The following FAM178B variants were observed in gnomAD, a reference collection of about 807,000 sequenced individuals.
FAM178B encodes family with sequence similarity 178 member B.
Under a neutral mutation model 91.7 loss-of-function variants are expected in FAM178B, and 82 were observed. That is an observed-to-expected ratio of 0.89 (90% CI 0.75 to 1.07). The LOEUF is 1.07. Among genes scored for constraint, FAM178B ranks in the 50% least tolerant of loss-of-function variants. The pLI is 0.00. For missense variants in FAM178B, 769 were observed against 846.7 expected (o/e 0.91, Z 1.14); for synonymous variants, 368 against 359.4 (o/e 1.02, Z -0.27).
chr2:96,973,858 C>T (rs1426151750), intron 1 of FAM178B, among the ~76,000 whole-genome samples: 2 of 151,584 alleles, frequency 1.3e-5, no homozygotes, highest in Non-Finnish European at 2.9e-5. Context: ...AAAAAATTAG[C>T]CAGGCATGGT....
chr2:96,956,187 T>C (rs550598676), intron 6 of FAM178B, among the ~76,000 whole-genome samples: 3 of 152,352 alleles, frequency 2.0e-5, no homozygotes, highest in East Asian at 1.9e-4. Flanking sequence ...CACTTTTCCA[T>C]GCAGGAGCAT....
intron 12 of FAM178B, 78 bp downstream of exon 12, chr2:96,921,087 G>A (rs2153370839): frequency 1.6e-6 from 2 of 1,221,986 alleles, no homozygotes; most frequent in South Asian, 1.3e-5. Flanking sequence ...TGGGGCTGAT[G>A]GGGAGGACTC....
intron 5 of FAM178B, among the ~76,000 whole-genome samples, chr2:96,966,894 G>C (rs529579699): frequency 6.6e-6 from 1 of 152,056 alleles, no homozygotes; most frequent in Non-Finnish European, 1.5e-5. Context: ...GCTGGCTCCC[G>C]GGTCTCAGAC....
At chr2:96,957,514 A>G (rs906594177) in intron 6 of FAM178B, among the ~76,000 whole-genome samples, 4 of 152,184 alleles carry the variant, frequency 2.6e-5, no homozygotes. Flanking sequence ...CACTCCAGGG[A>G]AGCTGGGCAG....
intron 12 of FAM178B, among the ~76,000 whole-genome samples, chr2:96,903,002 G>C (rs1484025407): frequency 6.6e-6 from 1 of 152,178 alleles, no homozygotes; most frequent in Non-Finnish European, 1.5e-5. Flanking sequence ...ACATATCCAT[G>C]GATCCATAGA....
At chr2:96,917,535 C>A (rs1055370990) in intron 12 of FAM178B, among the ~76,000 whole-genome samples, 4 of 152,148 alleles carry the variant, frequency 2.6e-5, no homozygotes, top group Non-Finnish European at 4.4e-5. Context: ...AAGGTAGCTT[C>A]AAATCTGTCT....
intron 10 of FAM178B, among the ~76,000 whole-genome samples, chr2:96,923,154 G>C: frequency 6.6e-6 from 1 of 151,458 alleles, no homozygotes; most frequent in East Asian, 1.9e-4. Flanking sequence ...TGTATTTTTA[G>C]TACAGATGGG....
intron 1 of FAM178B, among the ~76,000 whole-genome samples, chr2:96,974,733 T>C (rs966313560): frequency 6.6e-6 from 1 of 152,150 alleles, no homozygotes; most frequent in African/African-American, 2.4e-5. Context: ...TAAGTGACTT[T>C]AAGTCACACA....
chr2:96,898,360 A>T (rs2080862180), intron 13 of FAM178B, among the ~76,000 whole-genome samples: 1 of 152,158 alleles, frequency 6.6e-6, no homozygotes, highest in African/African-American at 2.4e-5. Context: ...GCAGGACTTT[A>T]ATCTCAGCTC....
rs890539276 is a variant in FAM178B, at chr2:96,972,302, C to T, written c.163G>A (p.Val55Met). ...LREGVQAAAT[V>M]PILLYNLEDG... ...TCCAGGTTGTACAGGAGGATGGGCACGGTGGCGGCAGCCTGCACCCCTGCA... is the reference window on the plus strand; with the variant it reads ...TCCAGGTTGTACAGGAGGATGGGCATGGTGGCGGCAGCCTGCACCCCTGCA... The change falls in exon 3 of 17, where the codon GTG (valine) becomes ATG (methionine). Residue 55 changes from valine (V) to methionine (M), a missense_variant. By Grantham distance (21) the Val-to-Met change is conservative (BLOSUM62 1). Coordinates refer to ENST00000490605, the MANE Select transcript of FAM178B (RefSeq NM_001122646.3). The T allele has an allele frequency of 3.3e-5, 49 of 1,465,738 alleles. No individual in the cohort carries two copies. Among genetic ancestry groups the T allele is most frequent in the Middle Eastern group, 2.1e-4 (1 of 4,706 alleles). 90.8% of individuals were successfully genotyped at this position (1,465,738 alleles called of 1,614,324 possible). A position where few individuals can be genotyped will look rare whatever the true frequency, so the allele number is the denominator to read the frequency against.
At chr2:96,984,975 G>C (rs901518834) in intron 1 of FAM178B, among the ~76,000 whole-genome samples, 1 of 152,230 alleles carries the variant, frequency 6.6e-6, no homozygotes, top group Non-Finnish European at 1.5e-5. Context: ...CACTAAGACC[G>C]ACAAAAAGCT....
chr2:96,930,481 T>C lies in FAM178B; in HGVS notation c.1079-1161A>G, dbSNP rs371053312. On this transcript the variant is annotated intron_variant, in intron 8 of 16. Coordinates refer to ENST00000490605, the MANE Select transcript of FAM178B (RefSeq NM_001122646.3). ...AGCCTATGTTTCCACTCTGCTCTCA[T>C]TCCTCAGCATTGTCCGACTTAGCAG... Among the ~76,000 whole-genome samples the C allele has an allele frequency of 1.7e-4, 26 of 152,306 alleles. No homozygotes were observed. In the East Asian group the frequency reaches 2.7e-3, roughly 16 times the overall value.
rs969682096 is a variant in FAM178B, at chr2:96,921,415, T to C, written c.1464+63A>G. 5.2e-6 allele frequency: 8 copies of C among 1,543,752 alleles called. No homozygotes were observed. The African/African-American group carries it at 9.6e-5, about 19-fold the overall frequency. On this transcript the variant is annotated intron_variant, in intron 11 of 16. Transcript: ENST00000490605. ...AGTGCCATCCCCACCCAGGGCACTC[T>C]AGGGGCCACCTTGGTCCCTAGTGAT...
At chr2:96,975,094 CAAAAAAAAAAAAA>C (rs34807786) in intron 1 of FAM178B, among the ~76,000 whole-genome samples, 1 of 56,272 alleles carries the variant, frequency 1.8e-5, no homozygotes, top group Non-Finnish European at 2.7e-5. Flanking sequence ...GACTCTGTCT[CAAAAAAAAAAAAA>C]AAAAAAAAAA....
chr2:96,876,203 C>G lies in FAM178B; in HGVS notation c.*73G>C. ...GGCCTCCTCTGGCCTTGATGCTTCG[C>G]TTCCTCCAGTTCCCTGAGCCTGTTC... On this transcript the variant is annotated 3_prime_UTR_variant, in exon 17 of 17. Transcript: ENST00000490605. 6.6e-7 allele frequency: 1 copy of G among 1,512,346 alleles called. No individual in the cohort carries two copies. The highest frequency in any genetic ancestry group is 9.1e-7 in the Non-Finnish European group (1 of 1,104,352). The allele number at this position is 1,512,346 out of a possible 1,614,324, so 93.7% of individuals were successfully genotyped here.
chr2:96,931,826 T>C (rs1480763968), intron 8 of FAM178B, among the ~76,000 whole-genome samples: 1 of 151,704 alleles, frequency 6.6e-6, no homozygotes, highest in Admixed American at 6.6e-5. Context: ...AATTAGACTC[T>C]TGGAGGAGGA....
At chr2:96,945,284 CACACTAGAGTGCCCTGGG>C (rs142813214) in intron 8 of FAM178B, among the ~76,000 whole-genome samples, 3,473 of 152,242 alleles carry the variant, frequency 0.023, 77 homozygotes, top group South Asian at 0.1. Context: ...CCCCCACACA[CACACTAGAGTGCCCTGGG>C]ACACTCGGGC....
At chr2:96,962,784 C>T (rs1372716859) in intron 5 of FAM178B, among the ~76,000 whole-genome samples, 3 of 152,200 alleles carry the variant, frequency 2.0e-5, no homozygotes, top group Non-Finnish European at 4.4e-5. Flanking sequence ...GATGCTTGCT[C>T]GGGACTGTCA....
At chr2:96,884,926 G>A (rs1272415795) in intron 14 of FAM178B, among the ~76,000 whole-genome samples, 3 of 152,198 alleles carry the variant, frequency 2.0e-5, no homozygotes, top group African/African-American at 4.8e-5. Context: ...ACATATAACC[G>A]ACCACTAGGA....
Sources: gnomAD v4.1 joint callset for allele counts (sites outside exome capture counted in the v4.1 genomes callset) on GRCh38, gnomAD v4.1.1 for gene constraint, MANE v1.5 for transcripts, NCBI Gene and HGNC (gene_info 2026-07-23, HGNC 2026-07-21) for gene names.